The following NFKBIA variants were observed in gnomAD, a reference collection of about 807,000 sequenced individuals.
The protein encoded by NFKBIA is NFKB inhibitor alpha.
NFKBIA carries 10 observed loss-of-function variants against 36.3 expected under a neutral mutation model. The observed-to-expected ratio is 0.28, with a 90% CI of 0.17 to 0.47. The LOEUF is 0.47. Ranked by LOEUF, NFKBIA falls within the 20% of genes least tolerant of loss-of-function variation. The pLI is 0.99. For missense variants in NFKBIA, 355 were observed against 399.3 expected (o/e 0.89, Z 0.94); for synonymous variants, 205 against 164.4 (o/e 1.25, Z -1.89).
rs749412088 is a variant in NFKBIA at position 35,402,070 on chromosome 14, A to G, written c.907-10T>C. 1 of 1,614,128 alleles carries G rather than the reference A, an allele frequency of 6.2e-7. No homozygotes were observed. The highest frequency in any genetic ancestry group is 1.1e-5 in the South Asian group (1 of 91,082). On this transcript the variant is annotated splice_polypyrimidine_tract_variant and intron_variant, in intron 5 of 5. Transcript: ENST00000216797. The stretch of plus-strand genomic sequence containing the variant: ...AGTCATCATAGGGCAGCTGAAAACA[A>G]GGGGAAAAAAGACACGTTAAGCTTC...
Position 35,404,565 on chromosome 14 carries a change from T to C in NFKBIA, c.80A>G (p.Asp27Gly). The change falls in exon 1 of 6, where the codon GAC becomes GGC. Residue 27 changes from aspartate to glycine, a missense_variant. Transcript: ENST00000216797. ...RDGLKKERLL[D>G]DRHDSGLDSM... is the part of the protein sequence containing the mutation. ...GTCCAGGCCGCTGTCGTGGCGGTCG[T>C]CCAGTAGCCGCTCCTTCTTCAGCCC... is the stretch of plus-strand genomic sequence containing the variant. 6.3e-7 allele frequency: 1 copy of C among 1,593,200 alleles called. No homozygotes were observed. Among genetic ancestry groups the C allele is most frequent in the Non-Finnish European group, 8.5e-7 (1 of 1,171,516 alleles).
chr14:35,404,396 G>A, intron 1 of NFKBIA, 22 bp downstream of exon 1: 1 of 650,378 alleles, frequency 1.5e-6, no homozygotes, highest in Non-Finnish European at 2.5e-6. Flanking sequence ...ACGACCCCCA[G>A]CCCCGGGCCT....
At position 35,402,800 on chromosome 14, in the gene NFKBIA, C is replaced by T. The variant is rs771660743; in HGVS notation, c.607G>A (p.Val203Met). 3 of 1,614,196 alleles carry T rather than the reference C, an allele frequency of 1.9e-6. No homozygotes were observed. Among genetic ancestry groups the T allele is most frequent in the Non-Finnish European group, 2.5e-6 (3 of 1,180,040 alleles). ...HGYLGIVELL[V>M]SLGADVNAQE... ...GCATTGACATCAGCACCCAAGGACA[C>T]CAAAAGCTCCACGATGCCCAGGTAG... is the stretch of plus-strand genomic sequence containing the variant. Residue 203 changes from valine to methionine, a missense_variant, in exon 4 of 6, where the codon GTG becomes ATG. Transcript: ENST00000216797.
chr14:35,403,463 C>T (rs959152091), intron 2 of NFKBIA, 103 bp from the exon 3 acceptor site: 3 of 1,311,770 alleles, frequency 2.3e-6, no homozygotes, highest in African/African-American at 1.5e-5. Context: ...TCCTCCTAGA[C>T]AGGGGGGTGG....
intron 1 of NFKBIA, chr14:35,404,105 T>C (rs927029832): frequency 1.4e-5 from 6 of 419,066 alleles, no homozygotes; most frequent in African/African-American, 6.5e-5. Flanking sequence ...CCCCGCCTTA[T>C]GCAACCGGGG....
In NFKBIA at chr14:35,402,612, G is replaced by C. The variant is rs894738851; in HGVS notation, c.688C>G (p.Pro230Ala). Residue 230 changes from proline to alanine, a missense_variant, in exon 5 of 6, where the codon CCT (proline) becomes GCT (alanine). By Grantham distance (27) the Pro-to-Ala change is conservative. Coordinates refer to ENST00000216797, the MANE Select transcript of NFKBIA (RefSeq NM_020529.3). ...ALHLAVDLQN[P>A]DLVSLLLKCG... is the part of the protein sequence containing the mutation. ...TTCAACAGGAGTGACACCAGGTCAG[G>C]ATTTTGCAGGTCCACTGCGAGGTGA... 1 of 1,614,248 alleles carries C rather than the reference G, an allele frequency of 6.2e-7. No individual in the cohort carries two copies. The highest frequency in any genetic ancestry group is 8.5e-7 in the Non-Finnish European group (1 of 1,180,042).
Position 35,402,756 on chromosome 14 carries a change from G to A in NFKBIA, c.636+15C>T, listed in dbSNP as rs753008887. On this transcript the variant is annotated intron_variant, in intron 4 of 5. Coordinates refer to ENST00000216797, the MANE Select transcript of NFKBIA (RefSeq NM_020529.3). ...AGGAGCCTGACTCAGTGCGTCGGGG[G>A]CAGGAAGCACCAACCTGAGCATTGA... The A allele has an allele frequency of 3.7e-6, 6 of 1,613,942 alleles. No homozygotes were observed. Among genetic ancestry groups the A allele is most frequent in the Middle Eastern group, 1.6e-4 (1 of 6,062 alleles).
chr14:35,404,661 G>A lies in NFKBIA; in HGVS notation c.-17C>T, dbSNP rs754145057. The A allele has an allele frequency of 6.9e-7, 1 of 1,455,950 alleles. No homozygotes were observed. Among genetic ancestry groups the A allele is most frequent in the South Asian group, 1.3e-5 (1 of 74,480 alleles). 90.2% of individuals were successfully genotyped at this position (1,455,950 alleles called of 1,614,324 possible). ...CTGGAACATGGCGCGGACGAGCTGC[G>A]GGCGCTGCTGCGGGTGCGCTGGGCC... On this transcript the variant is annotated 5_prime_UTR_variant, in exon 1 of 6. Transcript: ENST00000216797.
chr14:35,404,228 G>C (rs1379490271), intron 1 of NFKBIA, 190 bp downstream of exon 1: 2 of 339,126 alleles, frequency 5.9e-6, no homozygotes, highest in Non-Finnish European at 1.0e-5. Context: ...CTCCGAGTTG[G>C]GCCGGTGCCC....
chr14:35,404,233 G>A lies in NFKBIA; in HGVS notation c.227+185C>T, dbSNP rs919859559. ...GCCGCCGCCCCTCCGAGTTGGGCCGGTGCCCCGCGCGGCCCTGCAGCCCTG... is the reference window on the plus strand; with the variant it reads ...GCCGCCGCCCCTCCGAGTTGGGCCGATGCCCCGCGCGGCCCTGCAGCCCTG... On this transcript the variant is annotated intron_variant, in intron 1 of 5. Transcript: ENST00000216797. 4.3e-5 allele frequency: 15 copies of A among 345,358 alleles called. No homozygotes were observed. The South Asian group carries it at 7.8e-4, about 18-fold the overall frequency. 21.4% of individuals were successfully genotyped at this position (345,358 alleles called of 1,614,324 possible).
intron 2 of NFKBIA, 155 bp from the exon 3 acceptor site, chr14:35,403,515 G>T: frequency 1.1e-6 from 1 of 912,296 alleles, no homozygotes; most frequent in Non-Finnish European, 1.8e-6. Context: ...GGGTCATAAA[G>T]ACCTCACCAA....
rs2138830603 is a variant in NFKBIA, at chr14:35,402,530, G to A, written c.770C>T (p.Thr257Ile). Reference protein sequence around the residue: ...TYQGYSPYQLTWGRPSTRIQQ... With the variant: ...TYQGYSPYQLIWGRPSTRIQQ... The stretch of plus-strand genomic sequence containing the variant: ...TATCCGGGTGCTTGGGCGGCCCCAG[G>A]TGAGCTGGTAGGGAGAATAGCCCTG... The change falls in exon 5 of 6, where the codon ACC becomes ATC. Residue 257 changes from threonine (T) to isoleucine (I), a missense_variant. Physicochemically the swap from Thr to Ile is moderately conservative, Grantham distance 89 (BLOSUM62 -1). Coordinates refer to ENST00000216797, the MANE Select transcript of NFKBIA (RefSeq NM_020529.3). 1 of 1,614,202 alleles carries A rather than the reference G, an allele frequency of 6.2e-7. No homozygotes were observed. Among genetic ancestry groups the A allele is most frequent in the Non-Finnish European group, 8.5e-7 (1 of 1,180,042 alleles).
rs764958121 is a variant in NFKBIA at position 35,402,036 on chromosome 14, C to T, written c.931G>A (p.Gly311Arg). Residue 311 changes from glycine to arginine, a missense_variant, in exon 6 of 6, where the codon GGA becomes AGA. Coordinates refer to ENST00000216797, the MANE Select transcript of NFKBIA (RefSeq NM_020529.3). ...DELPYDDCVF[G>R]GQRLTL ...GCTCATAACGTCAGACGCTGGCCTC[C>T]AAACACACAGTCATCATAGGGCAGC... The T allele has an allele frequency of 6.2e-7, 1 of 1,614,102 alleles. No individual in the cohort carries two copies. Among genetic ancestry groups the T allele is most frequent in the South Asian group, 1.1e-5 (1 of 91,084 alleles).
chr14:35,402,676 G>T lies in NFKBIA; in HGVS notation c.637-13C>A. The T allele has an allele frequency of 6.2e-7, 1 of 1,614,220 alleles. No homozygotes were observed. The highest frequency in any genetic ancestry group is 2.2e-5 in the East Asian group (1 of 44,886). On this transcript the variant is annotated splice_polypyrimidine_tract_variant and intron_variant, in intron 4 of 5. Coordinates refer to ENST00000216797, the MANE Select transcript of NFKBIA (RefSeq NM_020529.3). The stretch of plus-strand genomic sequence containing the variant: ...CATTACAGGGCTCCTGAAACCAAAA[G>T]GAATTTGAGATGCTTATGGCTGCAT...
chr14:35,402,913 T>C, intron 3 of NFKBIA, 54 bp from the exon 4 acceptor site: 1 of 1,515,816 alleles, frequency 6.6e-7, no homozygotes, highest in Admixed American at 1.7e-5. Context: ...CTCACTCCTT[T>C]CACCTATTCT....
rs886050475 is a variant in NFKBIA, at chr14:35,401,711, T to C, written c.*302A>G. The C allele has an allele frequency of 2.1e-6, 1 of 482,200 alleles. No individual in the cohort carries two copies. The highest frequency in any genetic ancestry group is 1.9e-5 in the African/African-American group (1 of 51,786). The allele number at this position is 482,200 out of a possible 1,614,324, so 29.9% of individuals were successfully genotyped here. Reference sequence around the variant, plus strand: ...CTGGGGTCAGTCACTCGAAGCACAATAAATATAAAATGTGGTCCTTCCATG... The same window carrying C: ...CTGGGGTCAGTCACTCGAAGCACAACAAATATAAAATGTGGTCCTTCCATG... On this transcript the variant is annotated 3_prime_UTR_variant, in exon 6 of 6. Transcript: ENST00000216797.
chr14:35,401,687 T>C lies in NFKBIA; in HGVS notation c.*326A>G. ...GCTGTTACATGTCACAGGATACCACTGGGGTCAGTCACTCGAAGCACAATA... is the reference window on the plus strand; with the variant it reads ...GCTGTTACATGTCACAGGATACCACCGGGGTCAGTCACTCGAAGCACAATA... On this transcript the variant is annotated 3_prime_UTR_variant, in exon 6 of 6. Transcript: ENST00000216797. The C allele has an allele frequency of 2.2e-6, 1 of 449,536 alleles. No individual in the cohort carries two copies. The highest frequency in any genetic ancestry group is 3.9e-5 in the East Asian group (1 of 25,592). The allele number at this position is 449,536 out of a possible 1,614,324, so 27.8% of individuals were successfully genotyped here.
Position 35,401,653 on chromosome 14 carries a change from A to G in NFKBIA, c.*360T>C, listed in dbSNP as rs2052726862. Reference sequence around the variant, plus strand: ...TTCACCCCACATCACTGAACGCTTAACACTCCTGGCTGTTACATGTCACAG... The same window carrying G: ...TTCACCCCACATCACTGAACGCTTAGCACTCCTGGCTGTTACATGTCACAG... On this transcript the variant is annotated 3_prime_UTR_variant, in exon 6 of 6. Coordinates refer to ENST00000216797, the MANE Select transcript of NFKBIA (RefSeq NM_020529.3). 2.6e-6 allele frequency: 1 copy of G among 389,436 alleles called. No homozygotes were observed. The highest frequency in any genetic ancestry group is 4.7e-6 in the Non-Finnish European group (1 of 213,240). 24.1% of individuals were successfully genotyped at this position (389,436 alleles called of 1,614,324 possible). A position where few individuals can be genotyped will look rare whatever the true frequency, so the allele number is the denominator to read the frequency against.
intron 2 of NFKBIA, 150 bp from the exon 3 acceptor site, chr14:35,403,510 A>G: frequency 1.1e-6 from 1 of 936,404 alleles, no homozygotes; most frequent in Non-Finnish European, 1.7e-6. Context: ...CAGGTGGGTC[A>G]TAAAGACCTC....
Sources: gnomAD v4.1 joint callset for allele counts on GRCh38, gnomAD v4.1.1 for gene constraint, MANE v1.5 for transcripts, NCBI Gene and HGNC (gene_info 2026-07-23, HGNC 2026-07-21) for gene names.